CSMD1: variants seen among roughly 807,000 people sequenced by gnomAD.
CSMD1 encodes the protein CUB and Sushi multiple domains 1, also known as CUB and sushi domain-containing protein 1.
Under a neutral mutation model 417.5 loss-of-function variants are expected in CSMD1, and 213 were observed. That is an observed-to-expected ratio of 0.51 (90% confidence interval 0.46 to 0.57). The LOEUF (loss-of-function observed/expected upper bound fraction) is 0.57, where lower values mean the gene tolerates loss of function less well. CSMD1 is among the 20% of genes least tolerant of loss of function. The probability of loss-of-function intolerance (pLI) is 0.00; values close to 1 mark genes in which losing one functional copy is unlikely to be tolerated. For synonymous variants in CSMD1, 2,862 were observed against 1,736.8 expected, an observed-to-expected ratio of 1.65 and a Z score of -16.11; for missense variants, 6,923 against 4,529.7, an observed-to-expected ratio of 1.53 and a Z score of -15.17.
intron 5 of CSMD1, among the ~76,000 whole-genome samples, chr8:3,994,447 G>GAA (rs56184992): frequency 0.051 from 6,033 of 118,858 alleles, 262 homozygotes; most frequent in Non-Finnish European, 0.076. Flanking sequence ...AATCTCTTCA[G>GAA]AAAAAAAAAA....
At chr8:3,796,773 T>C (rs1351224644) in intron 5 of CSMD1, among the ~76,000 whole-genome samples, 1 of 151,350 alleles carries the variant, frequency 6.6e-6, no homozygotes, top group African/African-American at 2.4e-5. Flanking sequence ...ATTCTGATCA[T>C]CATATTCTTG....
intron 37 of CSMD1, among the ~76,000 whole-genome samples, chr8:3,177,152 TG>T (rs1820986106): frequency 6.6e-6 from 1 of 151,968 alleles, no homozygotes; most frequent in Non-Finnish European, 1.5e-5. Context: ...AGCAAAACAA[TG>T]GGGAAAGGCG....
intron 1 of CSMD1, among the ~76,000 whole-genome samples, chr8:4,683,708 G>C (rs775339570): frequency 6.6e-6 from 1 of 152,158 alleles, no homozygotes; most frequent in Middle Eastern, 3.2e-3. Context: ...TCCCACCAGG[G>C]GTCCTGATTT....
chr8:4,887,514 G>C (rs997074948), intron 1 of CSMD1, among the ~76,000 whole-genome samples: 1 of 151,822 alleles, frequency 6.6e-6, no homozygotes, highest in African/African-American at 2.4e-5. Context: ...AATTCTTCTA[G>C]TTCCTTGTTA....
rs554786480 is a variant in CSMD1, at chr8:3,537,945, T to C, written c.1344+37000A>G. On this transcript the variant is annotated intron_variant, in intron 10 of 69. Coordinates refer to ENST00000635120, the MANE Select transcript of CSMD1 (RefSeq NM_033225.6). ...ATAATGAGTGTTTCTCCTATTAAAGTTGTTTATTCACTCAGGGTATCGTTT... is the reference window on the plus strand; with the variant it reads ...ATAATGAGTGTTTCTCCTATTAAAGCTGTTTATTCACTCAGGGTATCGTTT... 4.6e-5 allele frequency among the ~76,000 whole-genome samples: 7 copies of C among 152,360 alleles called. No homozygotes were observed. The South Asian group carries it at 1.2e-3, about 27-fold the overall frequency.
intron 7 of CSMD1, among the ~76,000 whole-genome samples, chr8:3,694,843 G>A (rs1044644677): frequency 6.6e-6 from 1 of 152,028 alleles, no homozygotes; most frequent in Non-Finnish European, 1.5e-5. Context: ...GCCAGGACAT[G>A]AAGCAATACC....
At chr8:3,668,967 T>A (rs1321618052) in intron 7 of CSMD1, among the ~76,000 whole-genome samples, 3 of 152,256 alleles carry the variant, frequency 2.0e-5, no homozygotes, top group African/African-American at 7.2e-5. Context: ...GGAGAAATCA[T>A]TGAGCAACCA....
intron 5 of CSMD1, among the ~76,000 whole-genome samples, chr8:3,780,471 C>T (rs1474674406): frequency 6.6e-6 from 1 of 152,230 alleles, no homozygotes; most frequent in Non-Finnish European, 1.5e-5. Context: ...TTCAAAATTA[C>T]ATCCTGAATC....
At chr8:4,052,813 T>G (rs773588095) in intron 3 of CSMD1, among the ~76,000 whole-genome samples, 4 of 152,160 alleles carry the variant, frequency 2.6e-5, no homozygotes, top group Non-Finnish European at 5.9e-5. Flanking sequence ...ACTCTAACTG[T>G]GCAGATTTGG....
At chr8:2,953,112 AAC>A (rs1802748174) in intron 65 of CSMD1, among the ~76,000 whole-genome samples, 1 of 152,170 alleles carries the variant, frequency 6.6e-6, no homozygotes, top group South Asian at 2.1e-4. Flanking sequence ...TAAAAAACAA[AAC>A]ACACACACAA....
At chr8:3,194,092 T>C (rs1796570066) in intron 33 of CSMD1, among the ~76,000 whole-genome samples, 1 of 152,240 alleles carries the variant, frequency 6.6e-6, no homozygotes, top group Non-Finnish European at 1.5e-5. Flanking sequence ...AAGCCATTAC[T>C]AGTCAATGAA....
chr8:2,947,150 T>G (rs1483249982), intron 68 of CSMD1, among the ~76,000 whole-genome samples: 1 of 152,250 alleles, frequency 6.6e-6, no homozygotes, highest in Non-Finnish European at 1.5e-5. Flanking sequence ...TTTTATGTAT[T>G]TTCTCTCATT....
rs182087129 is a variant in CSMD1 at position 3,111,890 on chromosome 8, G to C, written c.6431-1555C>G. Among the ~76,000 whole-genome samples, 3 of 152,154 alleles carry C rather than the reference G, an allele frequency of 2.0e-5. No individual in the cohort carries two copies. In the East Asian group the frequency reaches 5.8e-4, roughly 30 times the overall value. ...GCTGTCCCCATAACAAGCTACTTTTGTCTCCTGTTGGCAGTGCACTTTTCC... is the reference window on the plus strand; with the variant it reads ...GCTGTCCCCATAACAAGCTACTTTTCTCTCCTGTTGGCAGTGCACTTTTCC... On this transcript the variant is annotated intron_variant, in intron 42 of 69. Transcript: ENST00000635120.
At chr8:4,288,909 G>C (rs1230353722) in intron 3 of CSMD1, among the ~76,000 whole-genome samples, 2 of 152,122 alleles carry the variant, frequency 1.3e-5, no homozygotes, top group Non-Finnish European at 2.9e-5. Context: ...TACTTTTAAA[G>C]TCCTCATTCC....
At chr8:4,988,750 G>GT (rs1811310664) in intron 1 of CSMD1, among the ~76,000 whole-genome samples, 1 of 152,192 alleles carries the variant, frequency 6.6e-6, no homozygotes, top group South Asian at 2.1e-4. Flanking sequence ...GATACAAATG[G>GT]TTTAAAGAAA....
intron 11 of CSMD1, among the ~76,000 whole-genome samples, chr8:3,478,787 C>T (rs1011947100): frequency 6.6e-6 from 1 of 152,122 alleles, no homozygotes; most frequent in Non-Finnish European, 1.5e-5. Flanking sequence ...CCTTGTGGTC[C>T]CAGGGCTGCC....
chr8:3,475,803 T>G (rs1716553017), intron 11 of CSMD1, among the ~76,000 whole-genome samples: 1 of 152,268 alleles, frequency 6.6e-6, no homozygotes, highest in African/African-American at 2.4e-5. Context: ...ATGTATTTGT[T>G]CCTGCCTTAC....
intron 10 of CSMD1, among the ~76,000 whole-genome samples, chr8:3,524,804 A>T (rs1797687260): frequency 6.6e-6 from 1 of 151,932 alleles, no homozygotes; most frequent in South Asian, 2.1e-4. Context: ...ACAGAAGTAC[A>T]CACATGCACA....
intron 4 of CSMD1, among the ~76,000 whole-genome samples, chr8:4,007,738 C>G (rs925844780): frequency 2.6e-5 from 4 of 151,932 alleles, no homozygotes; most frequent in Admixed American, 6.5e-5. Flanking sequence ...ACAGTTATAT[C>G]AGTTGCAAAC....
Sources: allele counts gnomAD v4.1 joint callset (sites outside exome capture counted in the v4.1 genomes callset), GRCh38; gene constraint gnomAD v4.1.1; transcripts MANE v1.5; gene names NCBI Gene and HGNC (gene_info 2026-07-23, HGNC 2026-07-21).